ANKS1B: variants seen among roughly 807,000 people sequenced by gnomAD.
The protein encoded by ANKS1B is ankyrin repeat and sterile alpha motif domain-containing protein 1B.
Under a neutral mutation model 148.3 loss-of-function variants are expected in ANKS1B, and 36 were observed. The observed-to-expected ratio is 0.24, with a 90% CI of 0.19 to 0.32. ANKS1B has a LOEUF of 0.32. Among genes scored for constraint, ANKS1B ranks in the 10% least tolerant of loss-of-function variants. The pLI is 1.00. For missense variants in ANKS1B, 1,157 were observed against 1,542.6 expected, an observed-to-expected ratio of 0.75 and a Z score of 4.19; for synonymous variants, 542 against 560.8, an observed-to-expected ratio of 0.97 and a Z score of 0.47.
Position 99,629,672 on chromosome 12 carries a change from T to C in ANKS1B, c.1272+25395A>G, listed in dbSNP as rs563945110. ...AAAGCTGGGACTTTATAGAAGATGC[T>C]TTCATTCTTGGAGATATTAAAATAA... On this transcript the variant is annotated intron_variant, in intron 9 of 26. Transcript: ENST00000683438. 9.2e-5 allele frequency among the ~76,000 whole-genome samples: 14 copies of C among 152,298 alleles called. No individual in the cohort carries two copies. In the South Asian group the frequency reaches 2.9e-3, roughly 32 times the overall value.
chr12:99,720,543 C>A (rs559797214), intron 8 of ANKS1B, among the ~76,000 whole-genome samples: 1 of 152,286 alleles, frequency 6.6e-6, no homozygotes, highest in African/African-American at 2.4e-5. Flanking sequence ...AAAGGTAGAA[C>A]GGACTAATGG....
In ANKS1B at chr12:99,291,393, T is replaced by G. The variant is rs181555826; in HGVS notation, c.1757-44529A>C. ...TCTTTGCAGAAATAGAAAAAAAATT[T>G]CCTAAAATTATATGGAACCACAAAA... On this transcript the variant is annotated intron_variant, in intron 12 of 26. Transcript: ENST00000683438. Among the ~76,000 whole-genome samples the G allele has an allele frequency of 1.7e-4, 26 of 152,146 alleles. No homozygotes were observed. In the East Asian group the frequency reaches 4.4e-3, roughly 26 times the overall value.
intron 12 of ANKS1B, among the ~76,000 whole-genome samples, chr12:99,342,301 T>A (rs1486127048): frequency 6.6e-6 from 1 of 151,870 alleles, no homozygotes; most frequent in East Asian, 1.9e-4. Context: ...GTAAGATGAG[T>A]AAGTATCAGC....
chr12:99,631,053 A>G (rs1054852819), intron 9 of ANKS1B, among the ~76,000 whole-genome samples: 5 of 152,108 alleles, frequency 3.3e-5, no homozygotes, highest in African/African-American at 1.2e-4. Flanking sequence ...TGTCTCATGT[A>G]AGACATGACT....
intron 15 of ANKS1B, 74 bp from the exon 16 acceptor site, chr12:99,085,097 T>C (rs1449692174): frequency 7.8e-7 from 1 of 1,279,748 alleles, no homozygotes; most frequent in Non-Finnish European, 1.1e-6. Context: ...ATTTATTTAA[T>C]ACAGAGAAAA....
chr12:98,940,462 G>A (rs747320257), intron 17 of ANKS1B, among the ~76,000 whole-genome samples: 53 of 152,302 alleles, frequency 3.5e-4, no homozygotes, highest in South Asian at 6.2e-4. Flanking sequence ...AATTCTTTCA[G>A]GGCTCAGCTG....
intron 8 of ANKS1B, among the ~76,000 whole-genome samples, chr12:99,765,922 C>G (rs1402807430): frequency 1.3e-5 from 2 of 152,152 alleles, no homozygotes; most frequent in East Asian, 3.9e-4. Flanking sequence ...CAAAGGTCAC[C>G]CTGCTAGTAA....
chr12:99,718,114 A>G (rs933620490), intron 8 of ANKS1B, among the ~76,000 whole-genome samples: 9 of 151,830 alleles, frequency 5.9e-5, no homozygotes, highest in Admixed American at 3.3e-4. Flanking sequence ...CATGTTAGCC[A>G]GGATGGTCTC....
chr12:99,181,674 A>ATTTTT (rs1389372708), intron 14 of ANKS1B, among the ~76,000 whole-genome samples: 1 of 152,104 alleles, frequency 6.6e-6, no homozygotes, highest in African/African-American at 2.4e-5. Context: ...TTGTGGGTAC[A>ATTTTT]TAATGGGTGT....
chr12:99,462,160 T>C (rs1413363209), intron 10 of ANKS1B, among the ~76,000 whole-genome samples: 4 of 152,226 alleles, frequency 2.6e-5, no homozygotes, highest in African/African-American at 9.6e-5. Context: ...CAACTTCAGA[T>C]ATAAAACATT....
intron 14 of ANKS1B, among the ~76,000 whole-genome samples, chr12:99,229,339 C>A (rs2086456318): frequency 6.6e-6 from 1 of 151,760 alleles, no homozygotes; most frequent in African/African-American, 2.4e-5. Context: ...TATTAATGGT[C>A]ATTTGATTTG....
intron 9 of ANKS1B, among the ~76,000 whole-genome samples, chr12:99,574,172 A>G (rs576506191): frequency 8.5e-5 from 13 of 152,216 alleles, no homozygotes; most frequent in Admixed American, 6.5e-5. Context: ...AAAGAATCCA[A>G]TGAAATCTCT....
At chr12:99,952,850 C>T (rs1018807095) in intron 1 of ANKS1B, among the ~76,000 whole-genome samples, 7 of 152,138 alleles carry the variant, frequency 4.6e-5, no homozygotes, top group Non-Finnish European at 7.3e-5. Flanking sequence ...TTCTGCTATC[C>T]CAATTTCTTT....
chr12:98,936,864 C>T (rs1437414752), intron 17 of ANKS1B, among the ~76,000 whole-genome samples: 4 of 152,154 alleles, frequency 2.6e-5, no homozygotes, highest in Non-Finnish European at 4.4e-5. Context: ...TCTGACTTCA[C>T]AGGGAATTGT....
chr12:98,954,244 G>A (rs1567989151), intron 17 of ANKS1B: 1 of 152,180 alleles, frequency 6.6e-6, no homozygotes, highest in African/African-American at 2.4e-5. Flanking sequence ...CTGCGAACCT[G>A]TTTTATTTTT....
At chr12:99,978,185 T>C (rs1216087493) in intron 1 of ANKS1B, among the ~76,000 whole-genome samples, 5 of 152,228 alleles carry the variant, frequency 3.3e-5, no homozygotes, top group African/African-American at 9.6e-5. Context: ...ATAAATATTA[T>C]ATGCTTCTGC....
At chr12:98,845,083 T>A (rs1595309294) in intron 17 of ANKS1B, among the ~76,000 whole-genome samples, 1 of 152,098 alleles carries the variant, frequency 6.6e-6, no homozygotes, top group South Asian at 2.1e-4. Flanking sequence ...TAGGAAGGGG[T>A]TTAGCAGAAA....
intron 14 of ANKS1B, among the ~76,000 whole-genome samples, chr12:99,170,439 G>GGGAC (rs2077627641): frequency 6.6e-6 from 1 of 152,142 alleles, no homozygotes; most frequent in Non-Finnish European, 1.5e-5. Context: ...AGAGTGAGGG[G>GGGAC]GGACACCTCA....
intron 14 of ANKS1B, among the ~76,000 whole-genome samples, chr12:99,170,259 G>C (rs2077612594): frequency 6.6e-6 from 1 of 152,224 alleles, no homozygotes; most frequent in Non-Finnish European, 1.5e-5. Flanking sequence ...GTGTCCAGAA[G>C]ACAGCTGCCT....
Sources: gnomAD v4.1 joint callset for allele counts (sites outside exome capture counted in the v4.1 genomes callset) on GRCh38, gnomAD v4.1.1 for gene constraint, MANE v1.5 for transcripts, NCBI Gene and HGNC (gene_info 2026-07-23, HGNC 2026-07-21) for gene names.